ADARB1: variants seen among roughly 807,000 people sequenced by gnomAD.
The protein encoded by ADARB1 is double-stranded RNA-specific editase 1.
ADARB1 carries 10 observed loss-of-function variants against 52.4 expected under a neutral mutation model. That is an observed-to-expected ratio of 0.19 (90% CI 0.12 to 0.32). The LOEUF is 0.32. ADARB1 is among the 10% of genes least tolerant of loss of function. The probability of loss-of-function intolerance (pLI) is 1.00; values close to 1 mark genes in which losing one functional copy is unlikely to be tolerated. For synonymous variants in ADARB1, 349 were observed against 371.1 expected (o/e 0.94, Z 0.68); for missense variants, 643 against 922.3 (o/e 0.70, Z 3.92).
intron 1 of ADARB1, among the ~76,000 whole-genome samples, chr21:45,081,316 C>T (rs141965745): frequency 2.0e-5 from 3 of 152,242 alleles, no homozygotes; most frequent in African/African-American, 7.2e-5. Flanking sequence ...CACACGGACC[C>T]GGCTTATGAT....
rs1177425750 is a variant in ADARB1 at position 45,220,074 on chromosome 21, C to T, written c.1748-762C>T. On this transcript the variant is annotated intron_variant, in intron 9 of 10. Coordinates refer to ENST00000348831, the MANE Select transcript of ADARB1 (RefSeq NM_001112.4). This position sits in a 1 kb window ranked among gnomAD's most constrained non-coding sequence, Gnocchi z 6.3. The stretch of plus-strand genomic sequence containing the variant: ...TTTTATCTCCTGTTTGATGTTTGTT[C>T]TTGCTTCAATTTTAGCAGAAGTCAT... Among the ~76,000 whole-genome samples, 1 of 113,866 alleles carries T rather than the reference C, an allele frequency of 8.8e-6. No homozygotes were observed. The highest frequency in any genetic ancestry group is 3.3e-5 in the African/African-American group (1 of 30,194). The allele number at this position is 113,866 out of a possible 152,430, so 74.7% of individuals were successfully genotyped here.
intron 2 of ADARB1, among the ~76,000 whole-genome samples, chr21:45,152,036 G>A (rs407180): frequency 2.0e-5 from 3 of 152,120 alleles, no homozygotes; most frequent in Non-Finnish European, 4.4e-5. Flanking sequence ...GGGGGCGGGG[G>A]GATCCATTTG....
At chr21:45,109,947 A>G (rs2087459634) in intron 1 of ADARB1, among the ~76,000 whole-genome samples, 1 of 152,190 alleles carries the variant, frequency 6.6e-6, no homozygotes, top group Admixed American at 6.5e-5. Context: ...GAAAGCCACA[A>G]GTAGCGTGGG....
At chr21:45,170,968 T>C (rs1049296072) in intron 2 of ADARB1, among the ~76,000 whole-genome samples, 2 of 152,344 alleles carry the variant, frequency 1.3e-5, no homozygotes, top group Non-Finnish European at 2.9e-5. Context: ...AGCAGTCTTG[T>C]GCACTTTAGT....
chr21:45,077,702 G>T (rs2085999647), intron 1 of ADARB1, among the ~76,000 whole-genome samples: 2 of 151,894 alleles, frequency 1.3e-5, no homozygotes, highest in African/African-American at 4.8e-5. Context: ...AAACTCAGTG[G>T]TTTTCTGTGT....
chr21:45,126,985 T>C (rs944113501), intron 1 of ADARB1, among the ~76,000 whole-genome samples: 26 of 152,224 alleles, frequency 1.7e-4, no homozygotes, highest in African/African-American at 6.3e-4. Flanking sequence ...CTGCTGTGTT[T>C]TTCTTTCTCT....
intron 1 of ADARB1, among the ~76,000 whole-genome samples, chr21:45,087,017 A>G (rs528863931): frequency 2.0e-5 from 3 of 152,204 alleles, no homozygotes; most frequent in Non-Finnish European, 2.9e-5. Context: ...AGCTATTAGC[A>G]TTTCTTAAGC....
intron 1 of ADARB1, among the ~76,000 whole-genome samples, chr21:45,080,882 T>G (rs547473354): frequency 6.6e-6 from 1 of 152,356 alleles, no homozygotes; most frequent in African/African-American, 2.4e-5. Context: ...TGCATGTATA[T>G]GTTTATGTTC....
At chr21:45,138,241 T>A (rs1031134024) in intron 2 of ADARB1, among the ~76,000 whole-genome samples, 4 of 152,248 alleles carry the variant, frequency 2.6e-5, no homozygotes, top group African/African-American at 9.6e-5. Flanking sequence ...TTAGTTCACA[T>A]GGAGGAGGAT....
chr21:45,203,904 G>C (rs1173478951), intron 8 of ADARB1, among the ~76,000 whole-genome samples: 1 of 152,174 alleles, frequency 6.6e-6, no homozygotes, highest in East Asian at 1.9e-4. Flanking sequence ...TATTTTTCCT[G>C]TAAGTACCTT....
intron 2 of ADARB1, among the ~76,000 whole-genome samples, chr21:45,162,887 A>T (rs758296645): frequency 2.2e-4 from 33 of 152,096 alleles, no homozygotes; most frequent in Non-Finnish European, 4.4e-4. Context: ...TCACAGCACC[A>T]GACACTTCAG....
At chr21:45,168,536 A>G (rs1425632224) in intron 2 of ADARB1, among the ~76,000 whole-genome samples, 1 of 152,210 alleles carries the variant, frequency 6.6e-6, no homozygotes, top group Non-Finnish European at 1.5e-5. Flanking sequence ...TTGGAACTCT[A>G]GTTGCCCCAA....
chr21:45,222,222 C>CA lies in ADARB1; in HGVS notation c.*26dup, dbSNP rs776888788. The stretch of plus-strand genomic sequence containing the variant: ...ACCCGGGCAGACATGATGGGGGGTG[C>CA]AGGGGGCTGTGGGCATCCAGCGTCA... On this transcript the variant is annotated 3_prime_UTR_variant, in exon 11 of 11. Transcript: ENST00000348831. 5.2e-6 allele frequency: 8 copies of CA among 1,533,942 alleles called. No individual in the cohort carries two copies. Among genetic ancestry groups the CA allele is most frequent in the Non-Finnish European group, 7.0e-6 (8 of 1,145,232 alleles).
intron 1 of ADARB1, among the ~76,000 whole-genome samples, chr21:45,089,942 T>G (rs539019010): frequency 6.6e-5 from 10 of 152,214 alleles, no homozygotes; most frequent in Non-Finnish European, 1.0e-4. Context: ...CTTCTGGTAC[T>G]GTGCTGAGTG....
chr21:45,097,084 C>T (rs562926015), intron 1 of ADARB1, among the ~76,000 whole-genome samples: 3 of 151,888 alleles, frequency 2.0e-5, no homozygotes, highest in East Asian at 1.9e-4. Context: ...TCTTCAAGTC[C>T]GGTTTCTTTT....
chr21:45,216,446 TATG>T (rs2092864782), intron 9 of ADARB1, among the ~76,000 whole-genome samples: 3 of 152,174 alleles, frequency 2.0e-5, no homozygotes, highest in Non-Finnish European at 4.4e-5. Flanking sequence ...ATTTAAAAAT[TATG>T]ATATGTTTTC....
chr21:45,099,064 G>T (rs565836015), intron 1 of ADARB1, among the ~76,000 whole-genome samples: 2 of 152,344 alleles, frequency 1.3e-5, no homozygotes, highest in African/African-American at 4.8e-5. Context: ...CCAGCAGACA[G>T]ATGGCGCTTT....
chr21:45,223,339 C>T lies in ADARB1; in HGVS notation c.*1142C>T, dbSNP rs2146478223. 1 of 985,520 alleles carries T rather than the reference C, an allele frequency of 1.0e-6. No individual in the cohort carries two copies. The highest frequency in any genetic ancestry group is 5.2e-4 in the Middle Eastern group (1 of 1,914). The allele number at this position is 985,520 out of a possible 1,614,324, so 61.0% of individuals were successfully genotyped here. A position where few individuals can be genotyped will look rare whatever the true frequency, so the allele number is the denominator to read the frequency against. On this transcript the variant is annotated 3_prime_UTR_variant, in exon 11 of 11. Transcript: ENST00000348831. Reference sequence around the variant, plus strand: ...GTAGTGTAGGCCAGACATTGACAGTCCTGACGGGAGCTCAGGGCTGCCCAG... The same window carrying T: ...GTAGTGTAGGCCAGACATTGACAGTTCTGACGGGAGCTCAGGGCTGCCCAG...
At chr21:45,116,956 T>C (rs1040543680) in intron 1 of ADARB1, 2 of 152,188 alleles carry the variant, frequency 1.3e-5, no homozygotes, top group African/African-American at 2.4e-5. Flanking sequence ...CTGTGGTTAC[T>C]CTACCTATTT....
Sources: allele counts gnomAD v4.1 joint callset (sites outside exome capture counted in the v4.1 genomes callset), GRCh38; gene constraint gnomAD v4.1.1; non-coding constraint Gnocchi (gnomAD v3.1); transcripts MANE v1.5; gene names NCBI Gene and HGNC (gene_info 2026-07-23, HGNC 2026-07-21).